The following MED13L variants were observed in gnomAD, a reference collection of about 807,000 sequenced individuals.
The protein encoded by MED13L is mediator of RNA polymerase II transcription subunit 13-like.
In MED13L, 7 loss-of-function variants were observed where a neutral mutation model predicts 220.9. That is an observed-to-expected ratio of 0.03 (90% CI 0.02 to 0.06). MED13L has a LOEUF of 0.06. MED13L is among the 10% of genes least tolerant of loss of function. MED13L has a pLI of 1.00. For synonymous variants in MED13L, 1,011 were observed against 1,015.2 expected, an observed-to-expected ratio of 1.00 and a Z score of 0.08; for missense variants, 1,965 against 2,760.5, an observed-to-expected ratio of 0.71 and a Z score of 6.46.
intron 2 of MED13L, among the ~76,000 whole-genome samples, chr12:116,147,998 G>A (rs563053290): frequency 2.8e-4 from 34 of 120,266 alleles, no homozygotes; most frequent in African/African-American, 1.1e-3. Context: ...GTTGCAGTGA[G>A]CCAAAATCAT....
At chr12:116,115,016 T>G (rs1874391804) in intron 2 of MED13L, among the ~76,000 whole-genome samples, 1 of 152,206 alleles carries the variant, frequency 6.6e-6, no homozygotes, top group Admixed American at 6.5e-5. Flanking sequence ...AACTCAATTC[T>G]AATAAAAATC....
chr12:115,971,848 A>C (rs187203748), intron 26 of MED13L, among the ~76,000 whole-genome samples: 1 of 152,290 alleles, frequency 6.6e-6, no homozygotes, highest in African/African-American at 2.4e-5. Flanking sequence ...ATGAGATCTC[A>C]ATGATATTCA....
At chr12:116,157,014 GAGA>G (rs1565904463) in intron 2 of MED13L, among the ~76,000 whole-genome samples, 2 of 152,144 alleles carry the variant, frequency 1.3e-5, no homozygotes, top group Non-Finnish European at 2.9e-5. Flanking sequence ...GCAAGCGAGA[GAGA>G]AGGAGAGAAA....
chr12:116,251,295 C>A (rs1871526502), intron 1 of MED13L, among the ~76,000 whole-genome samples: 3 of 128,620 alleles, frequency 2.3e-5, no homozygotes, highest in African/African-American at 5.7e-5. Flanking sequence ...GGCAGAGATT[C>A]TCATCATGGA....
intron 2 of MED13L, among the ~76,000 whole-genome samples, chr12:116,209,600 C>T (rs983604762): frequency 6.6e-6 from 1 of 152,166 alleles, no homozygotes; most frequent in Non-Finnish European, 1.5e-5. Context: ...TCTAACCCAT[C>T]TGTCCTCTTC....
intron 16 of MED13L, among the ~76,000 whole-genome samples, chr12:115,995,454 T>G (rs542516689): frequency 6.3e-4 from 96 of 152,176 alleles, no homozygotes; most frequent in Non-Finnish European, 1.1e-3. Context: ...GACAGGGTCT[T>G]GCTCTGTCGA....
chr12:116,245,017 C>T (rs1870977312), intron 1 of MED13L, among the ~76,000 whole-genome samples: 1 of 152,094 alleles, frequency 6.6e-6, no homozygotes, highest in Non-Finnish European at 1.5e-5. Context: ...ACCTTCTCTA[C>T]TGCACAAAGC....
At chr12:116,188,251 C>T (rs1881030359) in intron 2 of MED13L, among the ~76,000 whole-genome samples, 1 of 151,896 alleles carries the variant, frequency 6.6e-6, no homozygotes, top group Non-Finnish European at 1.5e-5. Flanking sequence ...TTTCTAAAAC[C>T]ATGTTTTTGA....
At chr12:116,250,745 C>G (rs1323000850) in intron 1 of MED13L, among the ~76,000 whole-genome samples, 2 of 146,190 alleles carry the variant, frequency 1.4e-5, no homozygotes. Flanking sequence ...CCACTGCACT[C>G]CAGCCTGAGT....
At chr12:116,043,236 C>T (rs1358484346) in intron 4 of MED13L, among the ~76,000 whole-genome samples, 1 of 151,962 alleles carries the variant, frequency 6.6e-6, no homozygotes, top group East Asian at 1.9e-4. Flanking sequence ...TACATAAAAC[C>T]ACAATAAGCA....
In MED13L at chr12:116,125,506, AAC is replaced by A. The variant is rs983900531; in HGVS notation, c.311-13996_311-13995del. 9.2e-5 allele frequency among the ~76,000 whole-genome samples: 14 copies of A among 152,364 alleles called. No homozygotes were observed. The East Asian group carries it at 1.7e-3, about 19-fold the overall frequency. ...ACCACTGAACACTAATGTGCACTTA[AAC>A]ACAGTGTATTTTGAAGAGAAGTTTT... On this transcript the variant is annotated intron_variant, in intron 2 of 30. Transcript: ENST00000281928.
In MED13L at chr12:116,170,789, T is replaced by C. The variant is rs141699106; in HGVS notation, c.311-59277A>G. Among the ~76,000 whole-genome samples, 736 of 152,056 alleles carry C rather than the reference T, an allele frequency of 4.8e-3. 11 individuals carry two copies. Among genetic ancestry groups the C allele is most frequent in the African/African-American group, 0.017 (689 of 41,472 alleles). On this transcript the variant is annotated intron_variant, in intron 2 of 30. Coordinates refer to ENST00000281928, the MANE Select transcript of MED13L (RefSeq NM_015335.5). Reference sequence around the variant, plus strand: ...CTAATTTTTGTATTTTTATTACAGATGGGGTTTCAGCATGTTAGCCAGGAT... The same window carrying C: ...CTAATTTTTGTATTTTTATTACAGACGGGGTTTCAGCATGTTAGCCAGGAT...
chr12:116,271,902 AAAAC>A (rs1271792449), intron 1 of MED13L, among the ~76,000 whole-genome samples: 6 of 152,290 alleles, frequency 3.9e-5, no homozygotes, highest in Non-Finnish European at 7.4e-5. Flanking sequence ...ACTTTCAAAA[AAAAC>A]ACACACACAC....
chr12:116,074,664 G>C (rs1169270091), intron 4 of MED13L, among the ~76,000 whole-genome samples: 3 of 152,186 alleles, frequency 2.0e-5, no homozygotes, highest in Non-Finnish European at 4.4e-5. Context: ...CAGAGAGAAA[G>C]CCTCACTATT....
At chr12:116,055,652 T>C (rs1006101665) in intron 4 of MED13L, among the ~76,000 whole-genome samples, 5 of 152,118 alleles carry the variant, frequency 3.3e-5, no homozygotes, top group African/African-American at 7.2e-5. Context: ...CCCAGCACTT[T>C]GGGAGGCTGA....
chr12:115,990,106 A>C (rs975947142), intron 17 of MED13L, among the ~76,000 whole-genome samples: 5 of 152,050 alleles, frequency 3.3e-5, no homozygotes, highest in African/African-American at 1.2e-4. Context: ...TAAAGGCCCC[A>C]AGCTCCATAC....
chr12:115,986,724 A>G (rs1221110079), intron 18 of MED13L, among the ~76,000 whole-genome samples: 1 of 152,210 alleles, frequency 6.6e-6, no homozygotes, highest in Admixed American at 6.5e-5. Context: ...AGGGCAGACT[A>G]GAACAAGTTA....
At chr12:116,037,865 T>C (rs1455247697) in intron 4 of MED13L, among the ~76,000 whole-genome samples, 1 of 152,186 alleles carries the variant, frequency 6.6e-6, no homozygotes, top group Non-Finnish European at 1.5e-5. Context: ...CCCACTCCGG[T>C]AGTAAAAACT....
At chr12:116,116,546 G>C (rs1407837268) in intron 2 of MED13L, among the ~76,000 whole-genome samples, 2 of 151,964 alleles carry the variant, frequency 1.3e-5, no homozygotes, top group Non-Finnish European at 2.9e-5. Context: ...GTTTTCCCCT[G>C]AGTTCTGTGA....
Sources: gnomAD v4.1 joint callset for allele counts (sites outside exome capture counted in the v4.1 genomes callset) on GRCh38, gnomAD v4.1.1 for gene constraint, MANE v1.5 for transcripts, NCBI Gene and HGNC (gene_info 2026-07-23, HGNC 2026-07-21) for gene names.